PARD3: variants seen among roughly 807,000 people sequenced by gnomAD.
PARD3 encodes the protein par-3 family cell polarity regulator.
A neutral mutation model predicts 155.4 loss-of-function variants in PARD3; 75 were observed. That is an observed-to-expected ratio of 0.48 (90% CI 0.40 to 0.58). The LOEUF (loss-of-function observed/expected upper bound fraction) is 0.58. PARD3 is among the 20% of genes least tolerant of loss of function. The probability of loss-of-function intolerance (pLI) is 0.00; values close to 1 mark genes in which losing one functional copy is unlikely to be tolerated. For synonymous variants in PARD3, 576 were observed against 610.5 expected, an observed-to-expected ratio of 0.94 and a Z score of 0.83; for missense variants, 1,642 against 1,721.7, an observed-to-expected ratio of 0.95 and a Z score of 0.82.
intron 20 of PARD3, among the ~76,000 whole-genome samples, chr10:34,301,770 G>A (rs1450486420): frequency 2.0e-5 from 3 of 150,748 alleles, no homozygotes; most frequent in Non-Finnish European, 4.4e-5. Flanking sequence ...CCACCCAGCT[G>A]ACCAGGCTAA....
chr10:34,501,873 C>T (rs1402420143), intron 3 of PARD3, among the ~76,000 whole-genome samples: 1 of 152,146 alleles, frequency 6.6e-6, no homozygotes, highest in Non-Finnish European at 1.5e-5. Flanking sequence ...TCTACCAAAA[C>T]TCAAGAGTGG....
intron 20 of PARD3, among the ~76,000 whole-genome samples, chr10:34,302,438 A>C (rs991703852): frequency 2.0e-5 from 3 of 152,206 alleles, no homozygotes; most frequent in African/African-American, 7.2e-5. Flanking sequence ...AACTGAAAAA[A>C]GTAAAACACA....
intron 1 of PARD3, among the ~76,000 whole-genome samples, chr10:34,768,831 G>C (rs963671806): frequency 2.0e-5 from 3 of 152,212 alleles, no homozygotes; most frequent in African/African-American, 7.2e-5. Flanking sequence ...GCCACTCCCT[G>C]CTGAGCGCAC....
At chr10:34,551,320 G>A (rs998435721) in intron 2 of PARD3, among the ~76,000 whole-genome samples, 1 of 152,158 alleles carries the variant, frequency 6.6e-6, no homozygotes, top group Non-Finnish European at 1.5e-5. Context: ...TGTGGACTCA[G>A]TCAATTTTAA....
At chr10:34,641,142 T>C (rs2092665847) in intron 2 of PARD3, among the ~76,000 whole-genome samples, 1 of 152,176 alleles carries the variant, frequency 6.6e-6, no homozygotes, top group African/African-American at 2.4e-5. Context: ...CACTTCCAGT[T>C]TCTTCCCTAC....
intron 2 of PARD3, among the ~76,000 whole-genome samples, chr10:34,528,232 TG>T (rs2082608596): frequency 6.6e-6 from 1 of 152,218 alleles, no homozygotes; most frequent in South Asian, 2.1e-4. Flanking sequence ...TGCCATCTAA[TG>T]GACTTAGTCA....
intron 1 of PARD3, among the ~76,000 whole-genome samples, chr10:34,705,201 C>T (rs1372787669): frequency 2.0e-5 from 3 of 152,182 alleles, no homozygotes; most frequent in Non-Finnish European, 2.9e-5. Context: ...CAGTAGCTCA[C>T]GCCTGTAATC....
At chr10:34,467,032 A>C (rs2078050544) in intron 4 of PARD3, among the ~76,000 whole-genome samples, 1 of 152,134 alleles carries the variant, frequency 6.6e-6, no homozygotes, top group Non-Finnish European at 1.5e-5. Flanking sequence ...AAGTATGGGC[A>C]TCTGGTTACA....
intron 4 of PARD3, among the ~76,000 whole-genome samples, chr10:34,453,986 T>A (rs1465056622): frequency 1.3e-5 from 2 of 152,248 alleles, no homozygotes; most frequent in Admixed American, 6.5e-5. Flanking sequence ...GGAATTTTCC[T>A]AATTCATGTA....
chr10:34,117,239 G>A (rs958350593), intron 24 of PARD3, among the ~76,000 whole-genome samples: 1 of 152,114 alleles, frequency 6.6e-6, no homozygotes, highest in Non-Finnish European at 1.5e-5. Context: ...TCTCAGGCAC[G>A]GCCAAAATAT....
intron 2 of PARD3, among the ~76,000 whole-genome samples, chr10:34,666,810 TATATATACACACAC>T (rs1564481687): frequency 3.2e-4 from 28 of 88,174 alleles, no homozygotes; most frequent in African/African-American, 1.3e-3. Flanking sequence ...TATATATATA[TATATATACACACAC>T]ACACACACAC....
chr10:34,618,048 C>T lies in PARD3; in HGVS notation c.222+78270G>A, dbSNP rs182067963. Among the ~76,000 whole-genome samples the T allele has an allele frequency of 1.2e-3, 181 of 152,140 alleles. 1 individual carries two copies. Among genetic ancestry groups the T allele is most frequent in the Admixed American group, 2.6e-3 (39 of 15,290 alleles). ...AAATCACTTTCTTTTAATAGAGGACCGTCAAAACTATGACCTTTCTAAACT... is the reference window on the plus strand; with the variant it reads ...AAATCACTTTCTTTTAATAGAGGACTGTCAAAACTATGACCTTTCTAAACT... On this transcript the variant is annotated intron_variant, in intron 2 of 24. Coordinates refer to ENST00000374788, the MANE Select transcript of PARD3 (RefSeq NM_001184785.2).
chr10:34,169,698 G>T (rs534743877), intron 22 of PARD3, among the ~76,000 whole-genome samples: 1 of 152,144 alleles, frequency 6.6e-6, no homozygotes, highest in South Asian at 2.1e-4. Flanking sequence ...TTTAAAACTG[G>T]GATACAGTTT....
chr10:34,605,739 CTA>C (rs1201482214), intron 2 of PARD3, among the ~76,000 whole-genome samples: 49 of 1,098 alleles, frequency 0.045, 23 homozygotes, highest in South Asian at 0.1. Context: ...TATATATCTC[CTA>C]TATATATATA....
At chr10:34,230,206 C>T (rs957555676) in intron 22 of PARD3, among the ~76,000 whole-genome samples, 1 of 152,022 alleles carries the variant, frequency 6.6e-6, no homozygotes, top group Non-Finnish European at 1.5e-5. Flanking sequence ...TACCATAGAA[C>T]ATAAACCTAC....
intron 2 of PARD3, among the ~76,000 whole-genome samples, chr10:34,622,907 T>C (rs947912115): frequency 2.0e-5 from 3 of 151,290 alleles, no homozygotes; most frequent in Non-Finnish European, 4.4e-5. Context: ...GTAATCACTA[T>C]GAAGAGTGTA....
chr10:34,557,474 C>T (rs934041820), intron 2 of PARD3, among the ~76,000 whole-genome samples: 1 of 151,952 alleles, frequency 6.6e-6, no homozygotes, highest in Non-Finnish European at 1.5e-5. Flanking sequence ...CCCATCCCTA[C>T]TGTTTCGTTT....
At chr10:34,504,881 A>G (rs1056822049) in intron 3 of PARD3, among the ~76,000 whole-genome samples, 1 of 152,250 alleles carries the variant, frequency 6.6e-6, no homozygotes, top group African/African-American at 2.4e-5. Context: ...TCAAGAAGTA[A>G]AGGAGAGATC....
chr10:34,380,296 C>G (rs1168227884), intron 9 of PARD3, among the ~76,000 whole-genome samples: 1 of 152,090 alleles, frequency 6.6e-6, no homozygotes, highest in African/African-American at 2.4e-5. Context: ...AAATTAAAAT[C>G]AAGATAGATC....
Sources: allele counts gnomAD v4.1 joint callset (sites outside exome capture counted in the v4.1 genomes callset), GRCh38; gene constraint gnomAD v4.1.1; transcripts MANE v1.5; gene names NCBI Gene and HGNC (gene_info 2026-07-23, HGNC 2026-07-21).